Variants in SGSH observed in about 807,000 individuals in gnomAD.
SGSH encodes the protein N-sulfoglucosamine sulfohydrolase.
In SGSH, 48 loss-of-function variants were observed where a neutral mutation model predicts 51.0. The observed-to-expected ratio is 0.94, with a 90% CI of 0.75 to 1.20. The LOEUF (loss-of-function observed/expected upper bound fraction) is 1.20. SGSH is among the 50% of genes most tolerant of loss of function. The pLI is 0.00. For synonymous variants in SGSH, 321 were observed against 313.4 expected (o/e 1.02, Z -0.26); for missense variants, 662 against 717.8 (o/e 0.92, Z 0.89).
chr17:80,211,049 C>G (rs774035693), intron 7 of SGSH, 38 bp from the exon 8 acceptor site: 9 of 1,597,268 alleles, frequency 5.6e-6, no homozygotes, highest in Middle Eastern at 1.7e-4. Context: ...GCAGAGCCCT[C>G]AGCACACAGG....
chr17:80,202,198 A>T, downstream of SGSH: 1 of 1,613,856 alleles, frequency 6.2e-7, no homozygotes, highest in Non-Finnish European at 8.5e-7. Context: ...AGGCTACTCC[A>T]GGACCTGGAG....
downstream of SGSH, chr17:80,204,334 G>C: frequency 6.4e-7 from 1 of 1,571,226 alleles, no homozygotes; most frequent in Non-Finnish European, 8.7e-7. Flanking sequence ...ACCCCAGCAG[G>C]ATGGAGGGTG....
downstream of SGSH, chr17:80,208,107 A>T: frequency 3.2e-5 from 45 of 1,398,532 alleles, no homozygotes; most frequent in Non-Finnish European, 4.1e-5. Flanking sequence ...CTCTCCCCTG[A>T]GCCCGCCCCC....
chr17:80,217,297 A>T, intron 1 of SGSH, 105 bp from the exon 2 acceptor site: 1 of 1,349,680 alleles, frequency 7.4e-7, no homozygotes, highest in African/African-American at 1.4e-5. Context: ...CGAGACACCC[A>T]GGTGGGCATG....
downstream of SGSH, chr17:80,202,686 G>A (rs952094359): frequency 7.7e-6 from 9 of 1,171,880 alleles, no homozygotes; most frequent in South Asian, 1.8e-5. Context: ...TACCATGGAC[G>A]TTTGGGGCTG....
chr17:80,204,148 C>A, downstream of SGSH: 2 of 1,404,030 alleles, frequency 1.4e-6, no homozygotes, highest in East Asian at 2.5e-5. Context: ...CGCCCTAGTG[C>A]CAATCATCTC....
At chr17:80,201,964 G>A (rs2041000700), downstream of SGSH, 2 of 1,470,750 alleles carry the variant, frequency 1.4e-6, no homozygotes, top group Non-Finnish European at 1.8e-6. This position sits in a 1 kb window ranked among gnomAD's most constrained non-coding sequence, Gnocchi z 5.0. Flanking sequence ...CAGCAGCCAG[G>A]GACCCCCAGA....
rs938173944 is a variant in SGSH at position 80,212,345 on chromosome 17, C to T, written c.746-71G>A. On this transcript the variant is annotated intron_variant, in intron 6 of 7. Coordinates refer to ENST00000326317, the MANE Select transcript of SGSH (RefSeq NM_000199.5). The surrounding 1 kb of genome is among the most constrained non-coding windows in gnomAD (Gnocchi z 5.9). ...GGAGGCAGCGGGTGGTGTGTGTAGA[C>T]CCACCTGCTGCTGCATCCGGCCGCT... 2.0e-5 allele frequency: 26 copies of T among 1,325,792 alleles called. No individual in the cohort carries two copies. The African/African-American group carries it at 3.7e-4, about 19-fold the overall frequency. The allele number at this position is 1,325,792 out of a possible 1,614,324, so 82.1% of individuals were successfully genotyped here. A position where few individuals can be genotyped will look rare whatever the true frequency, so the allele number is the denominator to read the frequency against.
At chr17:80,214,864 C>T (rs1276189819) in intron 3 of SGSH, 99 bp from the exon 4 acceptor site, 9 of 1,449,674 alleles carry the variant, frequency 6.2e-6, no homozygotes, top group Admixed American at 1.7e-5. Flanking sequence ...TGTGGGTTCT[C>T]GTGGACACAC....
chr17:80,204,583 C>A, downstream of SGSH: 1 of 424,254 alleles, frequency 2.4e-6, no homozygotes. Flanking sequence ...GAGATGGTGC[C>A]ATTGCACTCC....
In SGSH at chr17:80,210,612, T is replaced by C; in HGVS notation, c.1349A>G (p.Asn450Ser). 3 of 1,613,594 alleles carry C rather than the reference T, an allele frequency of 1.9e-6. No homozygotes were observed. In the African/African-American group the frequency reaches 4.0e-5, roughly 22 times the overall value. ...DRSRDPHETQ[N>S]LATDPRFAQL... The stretch of plus-strand genomic sequence containing the variant: ...AGCAAAGCGCGGGTCGGTGGCCAGG[T>C]TCTGGGTCTCGTGGGGGTCCCGGCT... The change falls in exon 8 of 8, where the codon AAC becomes AGC. Residue 450 changes from asparagine to serine, a missense_variant. Transcript: ENST00000326317.
chr17:80,215,078 C>A lies in SGSH; in HGVS notation c.310G>T (p.Val104Leu). Residue 104 changes from valine (V) to leucine (L), a missense_variant, in exon 3 of 8, where the codon GTG becomes TTG. Coordinates refer to ENST00000326317, the MANE Select transcript of SGSH (RefSeq NM_000199.5). Reference sequence around the variant, plus strand: ...CTGAGCAGCAGCGGCAGGCTCCGCACCTTGTCGAAGGAGTTGAAGTGGTGC... The same window carrying A: ...CTGAGCAGCAGCGGCAGGCTCCGCAACTTGTCGAAGGAGTTGAAGTGGTGC... ...DVHHFNSFDK[V>L]RSLPLLLSQA... is the part of the protein sequence containing the mutation. 6.2e-7 allele frequency: 1 copy of A among 1,612,346 alleles called. No individual in the cohort carries two copies. The highest frequency in any genetic ancestry group is 8.5e-7 in the Non-Finnish European group (1 of 1,179,964).
chr17:80,216,279 C>A (rs7406336), intron 2 of SGSH, among the ~76,000 whole-genome samples: 56,278 of 151,212 alleles, frequency 0.37, 10,761 homozygotes, highest in Admixed American at 0.48. Context: ...CAGTGAGCCA[C>A]GATCGCACCA....
rs955606916 is a variant in SGSH at position 80,213,721 on chromosome 17, T to C, written c.745+83A>G. On this transcript the variant is annotated intron_variant, in intron 6 of 7. Transcript: ENST00000326317. The surrounding 1 kb of genome is among the most constrained non-coding windows in gnomAD (Gnocchi z 4.6). ...CACACTGGGACCCTCACCCACATTA[T>C]GCCGTGACCTAAGAGGGCGCTGGCC... 3.3e-5 allele frequency: 40 copies of C among 1,199,320 alleles called. No homozygotes were observed. The highest frequency in any genetic ancestry group is 4.6e-5 in the Non-Finnish European group (39 of 839,082). The allele number at this position is 1,199,320 out of a possible 1,614,324, so 74.3% of individuals were successfully genotyped here. A position where few individuals can be genotyped will look rare whatever the true frequency, so the allele number is the denominator to read the frequency against.
chr17:80,214,004 C>T (rs569059660), intron 5 of SGSH, 119 bp from the exon 6 acceptor site: 1,705 of 1,314,584 alleles, frequency 1.3e-3, no homozygotes, highest in Non-Finnish European at 1.5e-3. Flanking sequence ...TCCGGACCAC[C>T]CCGTCTCTCT....
chr17:80,208,259 G>A (rs777211579), downstream of SGSH: 36 of 1,589,892 alleles, frequency 2.3e-5, no homozygotes, highest in East Asian at 5.4e-4. Context: ...CGGCTGGAGC[G>A]ACCTGGACGG....
In SGSH at chr17:80,213,592, C is replaced by T; in HGVS notation, c.745+212G>A. 1 of 596,552 alleles carries T rather than the reference C, an allele frequency of 1.7e-6. No individual in the cohort carries two copies. The highest frequency in any genetic ancestry group is 3.0e-6 in the Non-Finnish European group (1 of 334,044). The allele number at this position is 596,552 out of a possible 1,614,324, so 37.0% of individuals were successfully genotyped here. On this transcript the variant is annotated intron_variant, in intron 6 of 7. Coordinates refer to ENST00000326317, the MANE Select transcript of SGSH (RefSeq NM_000199.5). The surrounding 1 kb of genome is among the most constrained non-coding windows in gnomAD (Gnocchi z 4.6). The stretch of plus-strand genomic sequence containing the variant: ...CTCTGGGGCACCCGAAGGCCCCAGC[C>T]CAGGAGCAGGTCCACATCAGGGCAG...
intron 2 of SGSH, 72 bp downstream of exon 2, chr17:80,216,960 G>A: frequency 7.1e-7 from 1 of 1,399,756 alleles, no homozygotes; most frequent in Non-Finnish European, 9.7e-7. Context: ...GGGAGACGTG[G>A]CAGAGGCCTG....
chr17:80,206,514 C>A (rs1300599728), downstream of SGSH, among the ~76,000 whole-genome samples: 1 of 152,198 alleles, frequency 6.6e-6, no homozygotes, highest in Non-Finnish European at 1.5e-5. Flanking sequence ...GCCTCTAATC[C>A]CAGCACTTTG....
Sources: gnomAD v4.1 joint callset for allele counts (sites outside exome capture counted in the v4.1 genomes callset) on GRCh38, gnomAD v4.1.1 for gene constraint, Gnocchi (gnomAD v3.1) non-coding constraint, MANE v1.5 for transcripts, NCBI Gene and HGNC (gene_info 2026-07-23, HGNC 2026-07-21) for gene names.